Variants in FAT2 observed in about 807,000 individuals in gnomAD.
FAT2 encodes protocadherin Fat 2.
In FAT2, 150 loss-of-function variants were observed where a neutral mutation model predicts 295.3. The observed-to-expected ratio is 0.51, with a 90% confidence interval of 0.44 to 0.58. The LOEUF (loss-of-function observed/expected upper bound fraction) is 0.58, where lower values mean the gene tolerates loss of function less well. Ranked by LOEUF, FAT2 falls within the 20% of genes least tolerant of loss-of-function variation. The probability of loss-of-function intolerance (pLI) is 0.00; values close to 1 mark genes in which losing one functional copy is unlikely to be tolerated. For missense variants in FAT2, 4,868 were observed against 5,442.7 expected, an observed-to-expected ratio of 0.89 and a Z score of 3.32; for synonymous variants, 2,026 against 2,150.3, an observed-to-expected ratio of 0.94 and a Z score of 1.60.
chr5:151,568,981 G>A (rs1758416115), intron 1 of FAT2, 30 bp from the exon 2 acceptor site: 5 of 1,530,456 alleles, frequency 3.3e-6, no homozygotes, highest in South Asian at 1.3e-5. Context: ...CAGGGTGCAA[G>A]TTAGGGGGAA....
At position 151,531,501 on chromosome 5, in the gene FAT2, G is replaced by T. The variant is rs2127590694; in HGVS notation, c.9811+86C>A. On this transcript the variant is annotated intron_variant, in intron 14 of 23. Transcript: ENST00000261800. The surrounding 1 kb of genome is among the most constrained non-coding windows in gnomAD (Gnocchi z 5.7). ...GGTCTGCTCTGGGAGGCGCTGCACAGGGTAGATACCCACACAGGGGAGGAA... is the reference window on the plus strand; with the variant it reads ...GGTCTGCTCTGGGAGGCGCTGCACATGGTAGATACCCACACAGGGGAGGAA... The T allele has an allele frequency of 6.4e-7, 1 of 1,556,422 alleles. No homozygotes were observed. Among genetic ancestry groups the T allele is most frequent in the Non-Finnish European group, 8.7e-7 (1 of 1,143,550 alleles).
In FAT2 at chr5:151,505,927, G is replaced by A; in HGVS notation, c.12688C>T (p.Leu4230=). Residue 4230 remains leucine (L), a synonymous_variant, in exon 24 of 24, where the codon CTG becomes TTG. Transcript: ENST00000261800. ...NGLYGGFPFP[L]EMENKRAPLP... ...GGTGCCCGCTTGTTTTCCATCTCCA[G>A]GGGGAAGGGGAAGCCCCCATAGAGG... 1 of 1,585,796 alleles carries A rather than the reference G, an allele frequency of 6.3e-7. No homozygotes were observed. The highest frequency in any genetic ancestry group is 8.6e-7 in the Non-Finnish European group (1 of 1,168,342).
In FAT2 at chr5:151,521,333, C is replaced by T. The variant is rs756014540; in HGVS notation, c.11260G>A (p.Ala3754Thr). 3.4e-5 allele frequency: 55 copies of T among 1,613,740 alleles called. No homozygotes were observed. The highest frequency in any genetic ancestry group is 8.3e-5 in the Admixed American group (5 of 60,006). The change falls in exon 19 of 24, where the codon GCC becomes ACC. Residue 3754 changes from alanine (A) to threonine (T), a missense_variant. By Grantham distance (58) the Ala-to-Thr change is moderately conservative. Around this residue, in one of 5 missense-constraint regions of FAT2, gnomAD observed 1,046 missense variants for 1,210.1 expected, o/e 0.86. Transcript: ENST00000261800. ...CGCGGGGTTAGGATGCTGAGCCTGG[C>T]GGTGCTGTACGTGGGCCCAACCTTG... The part of the protein sequence containing the change: ...DPKVGPTYST[A>T]RLSILTPRHH...
At chr5:151,527,404 A>G in intron 16 of FAT2, 27 bp from the exon 17 acceptor site, 1 of 1,562,522 alleles carries the variant, frequency 6.4e-7, no homozygotes, top group Admixed American at 1.8e-5. Context: ...AGTGGAGGTT[A>G]GCAATGAGGT....
chr5:151,543,530 G>A lies in FAT2; in HGVS notation c.7597C>T (p.Pro2533Ser). Reference sequence around the variant, plus strand: ...TGCAGAGTGGCAATCTGGCCATTGGGGTTTATGGAGAACTTCTCACTTGCT... The same window carrying A: ...TGCAGAGTGGCAATCTGGCCATTGGAGTTTATGGAGAACTTCTCACTTGCT... ...KLASEKFSIN[P>S]NGQIATLQKL... Residue 2533 changes from proline to serine, a missense_variant, in exon 10 of 24, where the codon CCC becomes TCC. Pro to Ser is a moderately conservative substitution (Grantham distance 74). This residue lies in a region of FAT2 where 3,297 missense variants were observed against 3,669.4 expected (regional missense o/e 0.90). Transcript: ENST00000261800. 6.2e-7 allele frequency: 1 copy of A among 1,614,124 alleles called. No individual in the cohort carries two copies. The highest frequency in any genetic ancestry group is 8.5e-7 in the Non-Finnish European group (1 of 1,180,026).
At chr5:151,551,326 T>C in intron 7 of FAT2, 141 bp downstream of exon 7, 1 of 823,626 alleles carries the variant, frequency 1.2e-6, no homozygotes, top group East Asian at 2.5e-5. Flanking sequence ...AAGTAGAGAG[T>C]GTATTAGACA....
At position 151,542,197 on chromosome 5, in the gene FAT2, T is replaced by C. The variant is rs932905818; in HGVS notation, c.8842+88A>G. The C allele has an allele frequency of 2.2e-5, 30 of 1,334,448 alleles. No homozygotes were observed. The African/African-American group carries it at 3.7e-4, about 16-fold the overall frequency. The allele number at this position is 1,334,448 out of a possible 1,614,324, so 82.7% of individuals were successfully genotyped here. On this transcript the variant is annotated intron_variant, in intron 10 of 23. Coordinates refer to ENST00000261800, the MANE Select transcript of FAT2 (RefSeq NM_001447.3). ...GGTCACACTGCTAATAAGTGGCAAA[T>C]CCAGGACATGAACCCATTTTAGGGC...
Position 151,568,107 on chromosome 5 carries a change from T to A in FAT2, c.825A>T (p.Val275=). ...CTCCTGAGCTATTTGCATCGACCAG[T>A]ACAGTGGCATAGGTGGTACCATCAT... ...DSNDGTTYAT[V]LVDANSSGAE... The change falls in exon 2 of 24, where the codon GTA becomes GTT. Residue 275 remains valine (V), a synonymous_variant. Transcript: ENST00000261800. 3 of 1,614,188 alleles carry A rather than the reference T, an allele frequency of 1.9e-6. No individual in the cohort carries two copies. Among genetic ancestry groups the A allele is most frequent in the Non-Finnish European group, 2.5e-6 (3 of 1,180,040 alleles).
rs557827625 is a variant in FAT2 at position 151,535,955 on chromosome 5, G to A, written c.9194-1313C>T. ...AACCTGGTTTGAGAGAGGTTTTTCCGAAACACCATATAACCAAAAATGAAT... is the reference window on the plus strand; with the variant it reads ...AACCTGGTTTGAGAGAGGTTTTTCCAAAACACCATATAACCAAAAATGAAT... On this transcript the variant is annotated intron_variant, in intron 12 of 23. Transcript: ENST00000261800. Among the ~76,000 whole-genome samples, 131 of 152,230 alleles carry A rather than the reference G, an allele frequency of 8.6e-4. 2 individuals carry two copies. The South Asian group carries it at 0.025, about 29-fold the overall frequency.
intron 20 of FAT2, among the ~76,000 whole-genome samples, chr5:151,514,706 CTCTCAGCTGATCA>C (rs1752667453): frequency 6.6e-6 from 1 of 152,198 alleles, no homozygotes; most frequent in Non-Finnish European, 1.5e-5. Flanking sequence ...CTCATTCCCA[CTCTCAGCTGATCA>C]TCTCACATCC....
rs759526152 is a variant in FAT2 at position 151,567,747 on chromosome 5, A to G, written c.1185T>C (p.Tyr395=). 38 of 1,614,122 alleles carry G rather than the reference A, an allele frequency of 2.4e-5. No homozygotes were observed. In the East Asian group the frequency reaches 3.1e-4, roughly 13 times the overall value. Residue 395 remains tyrosine (Y), a synonymous_variant, in exon 2 of 24, where the codon TAT becomes TAC. Transcript: ENST00000261800. ...CATTCTCTGAAGATGGCTTTAGAAC[A>G]TACTGCAGGTTGGGGAAGGCTGGGG... ...RVTPAFPNLQ[Y]VLKPSSENVG... is the part of the protein sequence containing the mutation.
intron 10 of FAT2, among the ~76,000 whole-genome samples, chr5:151,541,543 G>T: frequency 6.6e-6 from 1 of 152,184 alleles, no homozygotes; most frequent in African/African-American, 2.4e-5. Context: ...ATAGCAGAAG[G>T]AGCCATGTTC....
Position 151,520,420 on chromosome 5 carries a change from T to G in FAT2, c.11317+856A>C, listed in dbSNP as rs1379083633. Among the ~76,000 whole-genome samples, 3 of 152,224 alleles carry G rather than the reference T, an allele frequency of 2.0e-5. No homozygotes were observed. The South Asian group carries it at 6.2e-4, about 32-fold the overall frequency. ...AATTTCAGGCAAACTAAATCTCATA[T>G]CTCAGTTCCAACTGCAGATGGGGCT... On this transcript the variant is annotated intron_variant, in intron 19 of 23. Coordinates refer to ENST00000261800, the MANE Select transcript of FAT2 (RefSeq NM_001447.3).
chr5:151,519,735 GT>G (rs1336866570), intron 19 of FAT2, among the ~76,000 whole-genome samples: 1 of 151,940 alleles, frequency 6.6e-6, no homozygotes, highest in Non-Finnish European at 1.5e-5. Context: ...TTTCCTGTAT[GT>G]TTTATATTTC....
In FAT2 at chr5:151,540,575, A is replaced by G. The variant is rs766733900; in HGVS notation, c.9031T>C (p.Cys3011Arg). The G allele has an allele frequency of 1.9e-6, 3 of 1,612,548 alleles. No homozygotes were observed. The highest frequency in any genetic ancestry group is 3.3e-5 in the Admixed American group (2 of 59,954). The change falls in exon 11 of 24, where the codon TGT becomes CGT. Residue 3011 changes from cysteine (C) to arginine (R), a missense_variant. Physicochemically the swap from Cys to Arg is radical, Grantham distance 180. This residue lies in a region of FAT2 where 1,046 missense variants were observed against 1,210.1 expected (regional missense o/e 0.86). Transcript: ENST00000261800. ...CCTCGCCAGGCTCTCACCTGTGAAC[A>G]CTGTGGGCTGTTATCATTGACGTCC... ...VLDVNDNSPQCSQLLYTGKVH... is the reference protein window; with the variant it reads ...VLDVNDNSPQRSQLLYTGKVH...
At chr5:151,555,119 C>T (rs956565026) in intron 4 of FAT2, among the ~76,000 whole-genome samples, 19 of 152,136 alleles carry the variant, frequency 1.2e-4, no homozygotes, top group African/African-American at 4.3e-4. Flanking sequence ...CAATGAAATC[C>T]AGAGTGAGAA....
At chr5:151,570,100 T>C (rs745738900) in intron 1 of FAT2, among the ~76,000 whole-genome samples, 24 of 152,266 alleles carry the variant, frequency 1.6e-4, no homozygotes, top group Non-Finnish European at 3.2e-4. Context: ...TAATTTAATG[T>C]CAGCCATTAT....
At position 151,522,187 on chromosome 5, in the gene FAT2, C is replaced by A. The variant is rs377127086; in HGVS notation, c.10507-101G>T. The A allele has an allele frequency of 2.0e-5, 19 of 941,466 alleles. No homozygotes were observed. The African/African-American group carries it at 2.9e-4, about 15-fold the overall frequency. 58.3% of individuals were successfully genotyped at this position (941,466 alleles called of 1,614,324 possible). ...TGTGGAGCTACGTTTCTCTGCCCCA[C>A]GCCCAACTTGAGGGCTGGCTCAGCG... On this transcript the variant is annotated intron_variant, in intron 18 of 23. Transcript: ENST00000261800.
chr5:151,578,267 A>AT (rs2127657968), intron 1 of FAT2, among the ~76,000 whole-genome samples: 1 of 152,304 alleles, frequency 6.6e-6, no homozygotes, highest in Admixed American at 6.5e-5. Context: ...GTTGCTTACT[A>AT]TCCTGTGGTT....
Sources: gnomAD v4.1 joint callset for allele counts (sites outside exome capture counted in the v4.1 genomes callset) on GRCh38, gnomAD v4.1.1 for gene constraint, gnomAD v4.1.1 regional missense constraint, Gnocchi (gnomAD v3.1) non-coding constraint, MANE v1.5 for transcripts, NCBI Gene and HGNC (gene_info 2026-07-23, HGNC 2026-07-21) for gene names.